The following FHIT variants were observed in gnomAD, a reference collection of about 807,000 sequenced individuals.
FHIT encodes the protein fragile histidine triad diadenosine triphosphatase.
Under a neutral mutation model 17.9 loss-of-function variants are expected in FHIT, and 19 were observed. The observed-to-expected ratio is 1.06, with a 90% CI of 0.74 to 1.56. The LOEUF (loss-of-function observed/expected upper bound fraction) is 1.56. Among genes scored for constraint, FHIT ranks in the 40% most tolerant of loss-of-function variants. The pLI is 0.00. For synonymous variants in FHIT, 81 were observed against 69.7 expected, an observed-to-expected ratio of 1.16 and a Z score of -0.81; for missense variants, 248 against 189.2, an observed-to-expected ratio of 1.31 and a Z score of -1.82.
chr3:60,865,869 C>T (rs1262201898), intron 3 of FHIT, among the ~76,000 whole-genome samples: 1 of 152,136 alleles, frequency 6.6e-6, no homozygotes, highest in Non-Finnish European at 1.5e-5. Flanking sequence ...AGTATGTAGA[C>T]AAGACAGTTA....
intron 5 of FHIT, among the ~76,000 whole-genome samples, chr3:60,103,828 TTTGTGCTTTACTTGGATATTAAGTTC>T (rs1247249674): frequency 2.0e-5 from 3 of 152,206 alleles, no homozygotes; most frequent in Non-Finnish European, 4.4e-5. Flanking sequence ...TATGTTTTCC[TTTGTGCTTTACTTGGATATTAAGTTC>T]CAACCAATTT....
At chr3:60,191,184 G>A (rs918455797) in intron 5 of FHIT, among the ~76,000 whole-genome samples, 3 of 152,068 alleles carry the variant, frequency 2.0e-5, no homozygotes, top group Admixed American at 1.3e-4. Flanking sequence ...GCACAGTGGT[G>A]TATACTATAC....
chr3:61,097,113 C>G (rs2035666108), intron 2 of FHIT, among the ~76,000 whole-genome samples: 1 of 150,848 alleles, frequency 6.6e-6, no homozygotes, highest in African/African-American at 2.4e-5. Context: ...GGGGGCGATT[C>G]CAAGATGGCC....
intron 2 of FHIT, among the ~76,000 whole-genome samples, chr3:61,172,486 G>A (rs537591232): frequency 6.6e-6 from 1 of 152,322 alleles, no homozygotes; most frequent in African/African-American, 2.4e-5. Context: ...ACGAGGGACA[G>A]AAATGGAAGG....
At chr3:61,135,828 T>A (rs1012323877) in intron 2 of FHIT, among the ~76,000 whole-genome samples, 1 of 152,146 alleles carries the variant, frequency 6.6e-6, no homozygotes, top group Non-Finnish European at 1.5e-5. Flanking sequence ...TAAAGATGTT[T>A]AGATATAGAA....
chr3:60,808,431 G>T (rs554643412), intron 4 of FHIT, among the ~76,000 whole-genome samples: 1 of 151,980 alleles, frequency 6.6e-6, no homozygotes, highest in Non-Finnish European at 1.5e-5. Context: ...TACCTACATG[G>T]CCGTCCTAGG....
At chr3:60,954,284 GTGGTA>G (rs2107469364) in intron 3 of FHIT, among the ~76,000 whole-genome samples, 1 of 152,310 alleles carries the variant, frequency 6.6e-6, no homozygotes, top group Non-Finnish European at 1.5e-5. Context: ...ATGTATATCA[GTGGTA>G]TTTACACTTG....
intron 5 of FHIT, among the ~76,000 whole-genome samples, chr3:60,335,997 C>A (rs577741395): frequency 6.6e-6 from 1 of 152,140 alleles, no homozygotes. Flanking sequence ...AAAAAGTGTG[C>A]TTTCTATCAT....
chr3:60,351,995 T>C (rs990621197), intron 5 of FHIT, among the ~76,000 whole-genome samples: 3 of 152,214 alleles, frequency 2.0e-5, no homozygotes, highest in African/African-American at 7.2e-5. Flanking sequence ...ATTTCACTTC[T>C]TGCCCTGTAT....
intron 4 of FHIT, chr3:60,617,578 G>C (rs1464181749): frequency 6.6e-6 from 1 of 152,622 alleles, no homozygotes; most frequent in Non-Finnish European, 1.5e-5. Context: ...GTTTCAATTT[G>C]AACAGTAGGG....
chr3:60,856,709 C>A (rs548054777), intron 3 of FHIT: 2 of 152,196 alleles, frequency 1.3e-5, no homozygotes, highest in African/African-American at 4.8e-5. Context: ...AACCTTGTCA[C>A]AATCCACAAG....
At chr3:61,129,163 C>T (rs1373253667) in intron 2 of FHIT, among the ~76,000 whole-genome samples, 1 of 152,178 alleles carries the variant, frequency 6.6e-6, no homozygotes, top group African/African-American at 2.4e-5. Context: ...GAAAGCATTG[C>T]CTACTTTGTA....
intron 7 of FHIT, among the ~76,000 whole-genome samples, chr3:59,946,554 T>C (rs1282028819): frequency 6.6e-6 from 1 of 152,234 alleles, no homozygotes; most frequent in Non-Finnish European, 1.5e-5. Context: ...TCCAGTACTA[T>C]GTTGAAAAGG....
intron 2 of FHIT, among the ~76,000 whole-genome samples, chr3:61,049,975 C>A (rs1217338688): frequency 6.6e-6 from 1 of 152,084 alleles, no homozygotes; most frequent in Non-Finnish European, 1.5e-5. Flanking sequence ...GTTCCCTCCC[C>A]CAGTTTATTA....
intron 1 of FHIT, among the ~76,000 whole-genome samples, chr3:61,215,871 C>T (rs535378389): frequency 6.6e-6 from 1 of 152,104 alleles, no homozygotes; most frequent in Admixed American, 6.6e-5. Flanking sequence ...CTTTGACAAA[C>T]CTGACAAAAA....
intron 7 of FHIT, among the ~76,000 whole-genome samples, chr3:59,950,878 T>G (rs1473612481): frequency 1.3e-5 from 2 of 152,166 alleles, no homozygotes; most frequent in African/African-American, 4.8e-5. Flanking sequence ...ATGAGACAAT[T>G]TGACAAGAGT....
At chr3:59,976,482 T>A (rs530496292) in intron 7 of FHIT, among the ~76,000 whole-genome samples, 1 of 152,030 alleles carries the variant, frequency 6.6e-6, no homozygotes, top group East Asian at 1.9e-4. Flanking sequence ...AGAAACTTTG[T>A]CTTAAGAATC....
chr3:59,815,002 C>T (rs1219290257), intron 8 of FHIT, among the ~76,000 whole-genome samples: 2 of 152,184 alleles, frequency 1.3e-5, no homozygotes, highest in Non-Finnish European at 2.9e-5. Context: ...ATGGGTGATA[C>T]TGATTGTACA....
chr3:59,883,783 T>G (rs951331787), intron 8 of FHIT, among the ~76,000 whole-genome samples: 6 of 152,234 alleles, frequency 3.9e-5, no homozygotes, highest in African/African-American at 1.4e-4. Flanking sequence ...GATTAACTGT[T>G]TTCTTGGCTA....
Sources: allele counts gnomAD v4.1 joint callset (sites outside exome capture counted in the v4.1 genomes callset), GRCh38; gene constraint gnomAD v4.1.1; transcripts MANE v1.5; gene names NCBI Gene and HGNC (gene_info 2026-07-23, HGNC 2026-07-21).